The following TENM1 variants were observed in gnomAD, a reference collection of about 807,000 sequenced individuals.
TENM1 encodes teneurin transmembrane protein 1.
Under a neutral mutation model 174.8 loss-of-function variants are expected in TENM1, and 35 were observed. The observed-to-expected ratio is 0.20, with a 90% confidence interval of 0.15 to 0.27. The LOEUF (loss-of-function observed/expected upper bound fraction) is 0.27. TENM1 is among the 10% of genes least tolerant of loss of function. The pLI, the probability that TENM1 is intolerant of heterozygous loss-of-function variation, is 1.00. For missense variants in TENM1, 1,633 were observed against 2,130.1 expected (o/e 0.77, Z 4.59); for synonymous variants, 781 against 798.7 (o/e 0.98, Z 0.37).
intron 15 of TENM1, 108 bp downstream of exon 18, chrX:124,546,766 G>A: frequency 1.5e-6 from 1 of 665,276 alleles, no homozygotes; most frequent in East Asian, 3.3e-5. Context: ...AATGAACGTG[G>A]ATTATGTGGA....
chrX:125,094,958 T>C, the TENM1 span, among the ~76,000 whole-genome samples: 1 of 112,309 alleles, frequency 8.9e-6, no homozygotes, highest in Non-Finnish European at 1.9e-5. Context: ...TGTAAGGCAA[T>C]GTGATAAGTG....
At chrX:124,437,099 G>A (rs1390713326) in intron 23 of TENM1, among the ~76,000 whole-genome samples, 5 of 91,589 alleles carry the variant, frequency 5.5e-5, no homozygotes, top group East Asian at 3.5e-4. Context: ...CACCATGCTC[G>A]GCTAATTTTT....
chrX:124,583,437 G>C (rs1426418033), intron 11 of TENM1, among the ~76,000 whole-genome samples: 1 of 111,982 alleles, frequency 8.9e-6, no homozygotes, highest in African/African-American at 3.3e-5. Context: ...GTCTGGAGTG[G>C]ACCTCTAGCA....
chrX:124,831,915 T>C (rs142325282), intron 3 of TENM1, among the ~76,000 whole-genome samples: 3,113 of 112,047 alleles, frequency 0.028, 42 homozygotes, highest in Middle Eastern at 0.074. Flanking sequence ...CGGGGCTCGC[T>C]TCTCATTACC....
chrX:125,090,894 T>C, the TENM1 span, among the ~76,000 whole-genome samples: 3 of 111,515 alleles, frequency 2.7e-5, no homozygotes, highest in Non-Finnish European at 5.6e-5. Flanking sequence ...TGACTATGAC[T>C]GCATCAAGGG....
chrX:124,924,561 CTTAAGAGTTACCTGCTCT>C (rs1296140856), intron 1 of TENM1, among the ~76,000 whole-genome samples: 1 of 111,578 alleles, frequency 9.0e-6, no homozygotes, highest in Admixed American at 9.5e-5. Context: ...TATTTCCGTC[CTTAAGAGTTACCTGCTCT>C]GCGTTACCTG....
At chrX:124,966,487 C>T (rs2058727127), upstream of TENM1, among the ~76,000 whole-genome samples, 1 of 109,348 alleles carries the variant, frequency 9.1e-6, no homozygotes, top group African/African-American at 3.4e-5. Flanking sequence ...ACGGTGAAAC[C>T]CCATCTCTAC....
At chrX:124,608,259 C>A (rs772619515) in intron 11 of TENM1, among the ~76,000 whole-genome samples, 1 of 111,319 alleles carries the variant, frequency 9.0e-6, no homozygotes, top group African/African-American at 3.3e-5. Flanking sequence ...CTTCCTAATG[C>A]GTGGGAAGTC....
At chrX:124,970,372 G>A in the TENM1 span, among the ~76,000 whole-genome samples, 105 of 111,976 alleles carry the variant, frequency 9.4e-4, no homozygotes, top group African/African-American at 3.4e-3. Context: ...ACAGATAGAG[G>A]AAATGAGGCC....
chrX:124,915,850 G>A (rs778705726), intron 1 of TENM1, among the ~76,000 whole-genome samples: 61 of 112,158 alleles, frequency 5.4e-4, no homozygotes, highest in African/African-American at 1.9e-3. Context: ...AGATTTTGAA[G>A]GTCTTAATAA....
intron 11 of TENM1, among the ~76,000 whole-genome samples, chrX:124,568,464 T>C (rs1329677418): frequency 9.0e-6 from 1 of 111,658 alleles, no homozygotes; most frequent in Non-Finnish European, 1.9e-5. Flanking sequence ...TAGGAAACAA[T>C]GTAGAAATAA....
At chrX:124,910,917 A>ATTT (rs751665035) in intron 1 of TENM1, among the ~76,000 whole-genome samples, 2 of 101,916 alleles carry the variant, frequency 2.0e-5, no homozygotes, top group African/African-American at 7.2e-5. Context: ...ATATATTATA[A>ATTT]TTTTTTTTTT....
At chrX:125,051,182 CAAGGA>C in the TENM1 span, among the ~76,000 whole-genome samples, 1 of 111,133 alleles carries the variant, frequency 9.0e-6, no homozygotes, top group Non-Finnish European at 1.9e-5. Context: ...AACCACTGCT[CAAGGA>C]AATAAAAGAG....
chrX:124,377,041 A>C (rs952061596), exon 32 of TENM1: 1 of 110,511 alleles, frequency 9.0e-6, no homozygotes, highest in African/African-American at 3.3e-5. Flanking sequence ...TCACCCTTAC[A>C]TGAACACATC....
intron 1 of TENM1, among the ~76,000 whole-genome samples, chrX:124,931,229 C>G (rs1431309846): frequency 9.3e-6 from 1 of 107,717 alleles, no homozygotes; most frequent in Non-Finnish European, 1.9e-5. Flanking sequence ...ATGCATTTTC[C>G]CTTAAAAAGT....
intron 28 of TENM1, 53 bp from the exon 32 acceptor site, chrX:124,386,117 G>C (rs1569528522): frequency 9.3e-7 from 1 of 1,074,399 alleles, no homozygotes; most frequent in African/African-American, 1.9e-5. Context: ...AAGTTGAGGC[G>C]ACTAAAGAAA....
intron 8 of TENM1, among the ~76,000 whole-genome samples, chrX:124,647,730 GGTGT>G (rs113751818): frequency 2.5e-4 from 26 of 103,881 alleles, no homozygotes; most frequent in South Asian, 4.2e-4. Flanking sequence ...TTTTTTTTGT[GGTGT>G]GTGTGTGTGT....
chrX:124,412,263 C>T (rs1447180451), intron 25 of TENM1, among the ~76,000 whole-genome samples: 1 of 112,951 alleles, frequency 8.9e-6, no homozygotes, highest in African/African-American at 3.2e-5. Context: ...TGTGCATGTG[C>T]ACACATGTGC....
chrX:124,634,932 GA>G (rs1253417265), intron 11 of TENM1, among the ~76,000 whole-genome samples: 1 of 111,546 alleles, frequency 9.0e-6, no homozygotes, highest in African/African-American at 3.3e-5. Context: ...TTGTTATAAT[GA>G]AGATATACAC....
Sources: gnomAD v4.1 joint callset for allele counts (sites outside exome capture counted in the v4.1 genomes callset) on GRCh38, gnomAD v4.1.1 for gene constraint, MANE v1.5 for transcripts, NCBI Gene and HGNC (gene_info 2026-07-23, HGNC 2026-07-21) for gene names.